TK2: variants seen among roughly 807,000 people sequenced by gnomAD.
TK2 encodes the protein thymidine kinase 2.
TK2 carries 35 observed loss-of-function variants against 41.9 expected under a neutral mutation model. The ratio of observed to expected loss-of-function variants is 0.84; its 90% CI spans 0.64 to 1.11. The LOEUF is 1.11. Ranked by LOEUF, TK2 falls within the 50% of genes least tolerant of loss-of-function variation. TK2 has a pLI of 0.00. For synonymous variants in TK2, 128 were observed against 129.1 expected (o/e 0.99, Z 0.06); for missense variants, 320 against 351.1 (o/e 0.91, Z 0.71).
At chr16:66,521,277 G>A (rs1056475752) in intron 6 of TK2, among the ~76,000 whole-genome samples, 2 of 152,222 alleles carry the variant, frequency 1.3e-5, no homozygotes, top group Non-Finnish European at 2.9e-5. Flanking sequence ...ACCTGTGGGG[G>A]ACTCTGGGAC....
At chr16:66,545,559 C>T (rs929056063) in intron 2 of TK2, among the ~76,000 whole-genome samples, 1 of 152,162 alleles carries the variant, frequency 6.6e-6, no homozygotes, top group South Asian at 2.1e-4. Context: ...AGCGGTGGCT[C>T]ACGCCTGTAA....
At chr16:66,533,122 T>C (rs899929850) in intron 4 of TK2, among the ~76,000 whole-genome samples, 1 of 149,894 alleles carries the variant, frequency 6.7e-6, no homozygotes, top group African/African-American at 2.5e-5. Context: ...CAGACTGAAG[T>C]GCAGTGGCAT....
intron 6 of TK2, chr16:66,524,752 T>C (rs1459640656): frequency 6.6e-6 from 1 of 152,294 alleles, no homozygotes; most frequent in Non-Finnish European, 1.5e-5. Context: ...ACCTCAGTGC[T>C]ACTGAAGTGG....
At chr16:66,512,675 C>G (rs906134776) in intron 9 of TK2, among the ~76,000 whole-genome samples, 1 of 152,100 alleles carries the variant, frequency 6.6e-6, no homozygotes, top group Admixed American at 6.5e-5. Context: ...CCCAGCTATT[C>G]AGGAGGCTGA....
chr16:66,548,072 T>C, intron 2 of TK2: 1 of 662,480 alleles, frequency 1.5e-6, no homozygotes, highest in Non-Finnish European at 2.4e-6. Context: ...GTCTCTTAAA[T>C]GTATAAACAA....
In TK2 at chr16:66,517,329, G is replaced by C. The variant is rs1433550834; in HGVS notation, c.539-114C>G. The C allele has an allele frequency of 8.6e-5, 78 of 907,066 alleles. No homozygotes were observed. The South Asian group carries it at 9.4e-4, about 11-fold the overall frequency. 56.2% of individuals were successfully genotyped at this position (907,066 alleles called of 1,614,324 possible). A position where few individuals can be genotyped will look rare whatever the true frequency, so the allele number is the denominator to read the frequency against. ...GCACAGCTCGAGCAGGAAGCAGGGA[G>C]GGCCAGCTCTTGGCTTGACCACTGA... On this transcript the variant is annotated intron_variant, in intron 7 of 9. Transcript: ENST00000544898. The surrounding 1 kb of genome is among the most constrained non-coding windows in gnomAD (Gnocchi z 4.3).
intron 5 of TK2, among the ~76,000 whole-genome samples, chr16:66,530,364 T>C (rs1965072550): frequency 6.6e-6 from 1 of 152,206 alleles, no homozygotes; most frequent in African/African-American, 2.4e-5. Flanking sequence ...ACATAGGTGC[T>C]GATCAGGACC....
intron 2 of TK2, among the ~76,000 whole-genome samples, chr16:66,546,160 G>A (rs911626796): frequency 6.6e-6 from 1 of 152,156 alleles, no homozygotes; most frequent in Non-Finnish European, 1.5e-5. Flanking sequence ...AGACCAGGAA[G>A]TCAAGGCTGC....
chr16:66,540,704 A>C (rs1965432756), intron 3 of TK2, among the ~76,000 whole-genome samples: 1 of 152,220 alleles, frequency 6.6e-6, no homozygotes, highest in South Asian at 2.1e-4. Context: ...ATGAACTAGA[A>C]ATTAAATTAA....
At chr16:66,519,331 A>T (rs1398015887) in intron 6 of TK2, among the ~76,000 whole-genome samples, 1 of 152,130 alleles carries the variant, frequency 6.6e-6, no homozygotes, top group East Asian at 1.9e-4. Context: ...GGTGTGCGCC[A>T]CCATGCCTGG....
Position 66,509,473 on chromosome 16 carries a change from C to T in TK2, c.*2495G>A, listed in dbSNP as rs765343205. ...TAAATGGTTATAATCATATATTTTACATGTACTGTCAAAAAGCTTAAATAA... is the reference window on the plus strand; with the variant it reads ...TAAATGGTTATAATCATATATTTTATATGTACTGTCAAAAAGCTTAAATAA... On this transcript the variant is annotated 3_prime_UTR_variant, in exon 10 of 10. Transcript: ENST00000544898. The T allele has an allele frequency of 6.6e-6, 1 of 152,204 alleles. No homozygotes were observed. The highest frequency in any genetic ancestry group is 1.5e-5 in the Non-Finnish European group (1 of 68,042). 9.4% of individuals were successfully genotyped at this position (152,204 alleles called of 1,614,324 possible).
intron 3 of TK2, among the ~76,000 whole-genome samples, chr16:66,540,518 A>G (rs1304177304): frequency 6.6e-6 from 1 of 152,192 alleles, no homozygotes; most frequent in Non-Finnish European, 1.5e-5. Flanking sequence ...GGAAGGGAAG[A>G]AGGAAAGAAA....
intron 1 of TK2, chr16:66,549,687 C>G: frequency 1.6e-6 from 2 of 1,244,038 alleles, no homozygotes; most frequent in Non-Finnish European, 2.0e-6. Flanking sequence ...CCGGAATGTT[C>G]AGAGCGTGTC....
At chr16:66,531,287 G>A in intron 5 of TK2, 93 bp downstream of exon 5, 1 of 1,271,906 alleles carries the variant, frequency 7.9e-7, no homozygotes, top group South Asian at 1.3e-5. Flanking sequence ...GGCCTAGCCT[G>A]GCTTCCTTGT....
At chr16:66,544,978 T>C (rs1206242750) in intron 2 of TK2, among the ~76,000 whole-genome samples, 1 of 150,794 alleles carries the variant, frequency 6.6e-6, no homozygotes, top group African/African-American at 2.4e-5. Flanking sequence ...TCCCAGCTAC[T>C]GGGGAGGCTG....
chr16:66,550,231 C>T (rs1412785210), upstream of TK2: 2 of 1,607,890 alleles, frequency 1.2e-6, no homozygotes, highest in Non-Finnish European at 1.7e-6. Context: ...AGAGGTTCGC[C>T]GCTGGCAGCC....
At chr16:66,528,465 C>T (rs1480167209) in intron 6 of TK2, among the ~76,000 whole-genome samples, 2 of 152,250 alleles carry the variant, frequency 1.3e-5, no homozygotes, top group Non-Finnish European at 1.5e-5. Context: ...TTCCCTTTAG[C>T]CTTGTACCAT....
chr16:66,546,495 A>C (rs1965610779), intron 2 of TK2: 1 of 152,062 alleles, frequency 6.6e-6, no homozygotes, highest in South Asian at 2.1e-4. Flanking sequence ...CCCCACATCT[A>C]TCTCTTAACT....
At chr16:66,519,260 T>A (rs1374584173) in intron 6 of TK2, among the ~76,000 whole-genome samples, 2 of 150,394 alleles carry the variant, frequency 1.3e-5, no homozygotes, top group East Asian at 3.9e-4. Flanking sequence ...CTCACAGCAA[T>A]CTCCGCCTCC....
Sources: gnomAD v4.1 joint callset for allele counts (sites outside exome capture counted in the v4.1 genomes callset) on GRCh38, gnomAD v4.1.1 for gene constraint, Gnocchi (gnomAD v3.1) non-coding constraint, MANE v1.5 for transcripts, NCBI Gene and HGNC (gene_info 2026-07-23, HGNC 2026-07-21) for gene names.